The following ABHD14B variants were observed in gnomAD, a reference collection of about 807,000 sequenced individuals.
ABHD14B encodes the protein abhydrolase domain containing 14B.
In ABHD14B, 19 loss-of-function variants were observed where a neutral mutation model predicts 15.4. The observed-to-expected ratio is 1.23, with a 90% CI of 0.86 to 1.81. ABHD14B has a LOEUF of 1.81. ABHD14B is among the 40% of genes most tolerant of loss of function. The pLI is 0.00. For synonymous variants in ABHD14B, 92 were observed against 117.3 expected (o/e 0.78, Z 1.39); for missense variants, 243 against 267.0 (o/e 0.91, Z 0.63).
chr3:51,970,321 G>A lies in ABHD14B; in HGVS notation c.212-137C>T, dbSNP rs548002564. The A allele has an allele frequency of 2.3e-5, 27 of 1,163,472 alleles. 1 individual carries two copies. Among genetic ancestry groups the A allele is most frequent in the South Asian group, 2.2e-4 (14 of 62,730 alleles). The allele number at this position is 1,163,472 out of a possible 1,614,324, so 72.1% of individuals were successfully genotyped here. A position where few individuals can be genotyped will look rare whatever the true frequency, so the allele number is the denominator to read the frequency against. The stretch of plus-strand genomic sequence containing the variant: ...TTCCTGTAACACCCAGTGTGCCCAC[G>A]TTTATTCCTACAGTAGCCTCATTCT... On this transcript the variant is annotated intron_variant, in intron 2 of 3. Transcript: ENST00000361143.
chr3:51,969,296 C>G lies in ABHD14B; in HGVS notation c.*130G>C. ...GAAAAGACAAACAGACCACAAAAGA[C>G]AAGAACCCAGACATATAGACAGACG... On this transcript the variant is annotated 3_prime_UTR_variant, in exon 4 of 4. Coordinates refer to ENST00000361143, the MANE Select transcript of ABHD14B (RefSeq NM_001146314.2). 9.2e-7 allele frequency: 1 copy of G among 1,082,818 alleles called. No homozygotes were observed. The allele number at this position is 1,082,818 out of a possible 1,614,324, so 67.1% of individuals were successfully genotyped here. A position where few individuals can be genotyped will look rare whatever the true frequency, so the allele number is the denominator to read the frequency against.
Position 51,969,720 on chromosome 3 carries a change from G to A in ABHD14B, c.454-115C>T, listed in dbSNP as rs558247011. ...CACCCCATATGAGGGAGAGAGACAA[G>A]CTGGCCCAGTGGGTGGGGGCACAGA... On this transcript the variant is annotated intron_variant, in intron 3 of 3. Transcript: ENST00000361143. 6 of 1,442,600 alleles carry A rather than the reference G, an allele frequency of 4.2e-6. No individual in the cohort carries two copies. In the African/African-American group the frequency reaches 8.4e-5, roughly 20 times the overall value. 89.4% of individuals were successfully genotyped at this position (1,442,600 alleles called of 1,614,324 possible).
Position 51,969,334 on chromosome 3 carries a change from GT to G in ABHD14B, c.*91del. 2 of 1,414,256 alleles carry G rather than the reference GT, an allele frequency of 1.4e-6. No homozygotes were observed. The highest frequency in any genetic ancestry group is 2.8e-5 in the South Asian group (2 of 72,148). The allele number at this position is 1,414,256 out of a possible 1,614,324, so 87.6% of individuals were successfully genotyped here. A position where few individuals can be genotyped will look rare whatever the true frequency, so the allele number is the denominator to read the frequency against. On this transcript the variant is annotated 3_prime_UTR_variant, in exon 4 of 4. Coordinates refer to ENST00000361143, the MANE Select transcript of ABHD14B (RefSeq NM_001146314.2). Reference sequence around the variant, plus strand: ...ATATAGACAGACGCACCTGTTGCATGTGCATGAGCCAGAGCCTGGGAGAGAA... The same window carrying G: ...ATATAGACAGACGCACCTGTTGCATGGCATGAGCCAGAGCCTGGGAGAGAA...
At chr3:51,970,857 A>C (rs887399026) in intron 2 of ABHD14B, 1 of 454,640 alleles carries the variant, frequency 2.2e-6, no homozygotes, top group African/African-American at 2.0e-5. Flanking sequence ...CCTGGCACCG[A>C]GGGTTGGGAC....
chr3:51,971,510 A>T lies in ABHD14B; in HGVS notation c.161T>A (p.Leu54Gln). ...GTAGCCAGCCTGGGCCAGCCTGTGC[A>T]GTGTACCCAGGTTCTGCCAGGTCTC... ...SSETWQNLGT[L>Q]HRLAQAGYRA... The change falls in exon 2 of 4, where the codon CTG becomes CAG. Residue 54 changes from leucine (L) to glutamine (Q), a missense_variant. Physicochemically the swap from Leu to Gln is moderately radical, Grantham distance 113. Coordinates refer to ENST00000361143, the MANE Select transcript of ABHD14B (RefSeq NM_001146314.2). 6.2e-7 allele frequency: 1 copy of T among 1,611,804 alleles called. No homozygotes were observed. The highest frequency in any genetic ancestry group is 8.5e-7 in the Non-Finnish European group (1 of 1,178,808).
intron 1 of ABHD14B, 52 bp downstream of exon 1, chr3:51,973,913 G>A (rs949536703): frequency 1.6e-6 from 2 of 1,289,704 alleles, no homozygotes; most frequent in Non-Finnish European, 2.0e-6. Flanking sequence ...GGGGTAGGTG[G>A]GGTTGGATTT....
Position 51,969,366 on chromosome 3 carries a change from A to C in ABHD14B, c.*60T>G, listed in dbSNP as rs1342434842. ...AGCCAGAGCCTGGGAGAGAAGAGAG[A>C]GCGTGCAAGAGAGAGCTCAGAGCAG... On this transcript the variant is annotated 3_prime_UTR_variant, in exon 4 of 4. Transcript: ENST00000361143. 5 of 1,518,656 alleles carry C rather than the reference A, an allele frequency of 3.3e-6. No individual in the cohort carries two copies. The East Asian group carries it at 9.1e-5, about 28-fold the overall frequency. 94.1% of individuals were successfully genotyped at this position (1,518,656 alleles called of 1,614,324 possible). A position where few individuals can be genotyped will look rare whatever the true frequency, so the allele number is the denominator to read the frequency against.
In ABHD14B at chr3:51,971,315, C is replaced by G. The variant is rs566407810; in HGVS notation, c.211+145G>C. On this transcript the variant is annotated intron_variant, in intron 2 of 3. Transcript: ENST00000361143. ...TGCAGTGTGCTTGACCAAACGCTGT[C>G]AAGTTCAGGGCCCAGCCTGGCTGGG... 4.1e-6 allele frequency: 4 copies of G among 968,658 alleles called. No individual in the cohort carries two copies. The African/African-American group carries it at 6.6e-5, about 16-fold the overall frequency. The allele number at this position is 968,658 out of a possible 1,614,324, so 60.0% of individuals were successfully genotyped here. A position where few individuals can be genotyped will look rare whatever the true frequency, so the allele number is the denominator to read the frequency against.
intron 2 of ABHD14B, chr3:51,970,609 GC>G (rs1351328067): frequency 2.2e-5 from 10 of 461,724 alleles, no homozygotes; most frequent in Non-Finnish European, 3.9e-5. Flanking sequence ...AAGGCACCTG[GC>G]CCTGGATTGG....
At chr3:51,970,630 G>C (rs371272800) in intron 2 of ABHD14B, 2 of 459,148 alleles carry the variant, frequency 4.4e-6, no homozygotes, top group Admixed American at 4.7e-5. Flanking sequence ...GGACAAGAGA[G>C]GCTCCTGAAG....
intron 1 of ABHD14B, among the ~76,000 whole-genome samples, chr3:51,972,751 C>T (rs375443534): frequency 5.3e-5 from 8 of 152,318 alleles, no homozygotes; most frequent in African/African-American, 1.4e-4. Context: ...TAAGGCCATG[C>T]ATGTACCATG....
intron 2 of ABHD14B, 126 bp downstream of exon 2, chr3:51,971,333 TG>T: frequency 1.8e-6 from 2 of 1,138,652 alleles, no homozygotes; most frequent in Non-Finnish European, 2.4e-6. Flanking sequence ...GGGCCCAGCC[TG>T]GCTGGGTCCT....
intron 3 of ABHD14B, 27 bp downstream of exon 3, chr3:51,969,916 G>A (rs775764776): frequency 1.9e-6 from 3 of 1,614,186 alleles, no homozygotes; most frequent in Non-Finnish European, 1.7e-6. Context: ...CCTGGCAGGG[G>A]CACCTCAGCT....
At position 51,971,608 on chromosome 3, in the gene ABHD14B, G is replaced by A. The variant is rs375408470; in HGVS notation, c.63C>T (p.Phe21=). The A allele has an allele frequency of 1.4e-4, 230 of 1,613,250 alleles. No individual in the cohort carries two copies. The highest frequency in any genetic ancestry group is 1.8e-4 in the Non-Finnish European group (215 of 1,179,904). The stretch of plus-strand genomic sequence containing the variant: ...GCCCACTGCCGGGCAGGGCCTCTCG[G>A]AAGAAGAGGGCCTGGCCCTGCACCT... ...TIQVQGQALF[F]REALPGSGQA... The change falls in exon 2 of 4, where the codon TTC becomes TTT. Residue 21 remains phenylalanine (F), a synonymous_variant. Transcript: ENST00000361143.
In ABHD14B at chr3:51,971,451, C is replaced by T. The variant is rs774221106; in HGVS notation, c.211+9G>A. 2.6e-6 allele frequency: 4 copies of T among 1,562,314 alleles called. No individual in the cohort carries two copies. In the African/African-American group the frequency reaches 5.5e-5, roughly 21 times the overall value. On this transcript the variant is annotated intron_variant, in intron 2 of 3. Coordinates refer to ENST00000361143, the MANE Select transcript of ABHD14B (RefSeq NM_001146314.2). ...CCAAACCCTGCCCAGAAGCCTGCCC[C>T]TTAAGTACCTGGCAGGTCAATGGCC...
chr3:51,971,211 C>G, intron 2 of ABHD14B: 1 of 499,802 alleles, frequency 2.0e-6, no homozygotes, highest in Non-Finnish European at 3.6e-6. Context: ...CTCAGAGACA[C>G]TGAGACAATG....
Position 51,971,684 on chromosome 3 carries a change from G to A in ABHD14B, c.-14C>T, listed in dbSNP as rs369078410. 2.3e-4 allele frequency: 372 copies of A among 1,609,456 alleles called. No individual in the cohort carries two copies. The highest frequency in any genetic ancestry group is 3.0e-4 in the Non-Finnish European group (358 of 1,178,506). On this transcript the variant is annotated 5_prime_UTR_variant, in exon 2 of 4. Transcript: ENST00000361143. Reference sequence around the variant, plus strand: ...GCTTGCTGCCATGCCTGCTGCTGCTGTGCTGGTGAAGGGCCTGTGGTTCAA... The same window carrying A: ...GCTTGCTGCCATGCCTGCTGCTGCTATGCTGGTGAAGGGCCTGTGGTTCAA...
Position 51,971,635 on chromosome 3 carries a change from G to A in ABHD14B, c.36C>T (p.Ile12=), listed in dbSNP as rs1700657497. ...AGAAGAGGGCCTGGCCCTGCACCTG[G>A]ATGGTGCCCTCGCGCTGCTCCACGC... ...AASVEQREGT[I]QVQGQALFFR... The change falls in exon 2 of 4, where the codon ATC becomes ATT. Residue 12 remains isoleucine (I), a synonymous_variant. Transcript: ENST00000361143. The A allele has an allele frequency of 1.9e-6, 3 of 1,612,734 alleles. No individual in the cohort carries two copies. Among genetic ancestry groups the A allele is most frequent in the Non-Finnish European group, 2.5e-6 (3 of 1,179,740 alleles).
At chr3:51,970,956 TG>T (rs1237596511) in intron 2 of ABHD14B, among the ~76,000 whole-genome samples, 1 of 152,180 alleles carries the variant, frequency 6.6e-6, no homozygotes, top group Non-Finnish European at 1.5e-5. Flanking sequence ...GGATCACAAG[TG>T]GGGGCCTGGC....
Sources: allele counts gnomAD v4.1 joint callset (sites outside exome capture counted in the v4.1 genomes callset), GRCh38; gene constraint gnomAD v4.1.1; transcripts MANE v1.5; gene names NCBI Gene and HGNC (gene_info 2026-07-23, HGNC 2026-07-21).